DOCK10: variants seen among roughly 807,000 people sequenced by gnomAD.
DOCK10 encodes the protein dedicator of cytokinesis protein 10.
DOCK10 carries 145 observed loss-of-function variants against 280.1 expected under a neutral mutation model. The ratio of observed to expected loss-of-function variants is 0.52; its 90% CI spans 0.45 to 0.59. DOCK10 has a LOEUF of 0.59. Among genes scored for constraint, DOCK10 ranks in the 20% least tolerant of loss-of-function variants. The pLI is 0.00. For missense variants in DOCK10, 2,368 were observed against 2,651.7 expected (o/e 0.89, Z 2.35); for synonymous variants, 915 against 942.2 (o/e 0.97, Z 0.53).
chr2:225,040,279 C>T lies in DOCK10; in HGVS notation c.123+1973G>A, dbSNP rs144419447. On this transcript the variant is annotated intron_variant, in intron 1 of 55. Coordinates refer to ENST00000258390, the MANE Select transcript of DOCK10 (RefSeq NM_014689.3). ...AGTATGCAAAGCACATGCGTTCTTGCTGCCAAAATAGCAGCCAAAACTGCC... is the reference window on the plus strand; with the variant it reads ...AGTATGCAAAGCACATGCGTTCTTGTTGCCAAAATAGCAGCCAAAACTGCC... Among the ~76,000 whole-genome samples the T allele has an allele frequency of 1.4e-4, 22 of 152,252 alleles. No individual in the cohort carries two copies. The East Asian group carries it at 3.9e-3, about 27-fold the overall frequency.
intron 55 of DOCK10, among the ~76,000 whole-genome samples, chr2:224,766,311 G>A (rs907948154): frequency 2.6e-5 from 4 of 152,118 alleles, no homozygotes; most frequent in Admixed American, 1.3e-4. Context: ...AAACAATGAC[G>A]TGTAAGCATA....
At chr2:224,814,832 C>T (rs1694019709) in intron 30 of DOCK10, among the ~76,000 whole-genome samples, 1 of 152,046 alleles carries the variant, frequency 6.6e-6, no homozygotes, top group African/African-American at 2.4e-5. Flanking sequence ...TATTTGTTTT[C>T]TTAAAAAAGA....
At chr2:224,852,160 T>TC (rs1696788591) in intron 18 of DOCK10, among the ~76,000 whole-genome samples, 1 of 152,218 alleles carries the variant, frequency 6.6e-6, no homozygotes. Flanking sequence ...TTTCCTTTTT[T>TC]CCCAAGTCGT....
intron 1 of DOCK10, among the ~76,000 whole-genome samples, chr2:224,997,457 CTTG>C (rs971726994): frequency 2.0e-5 from 3 of 152,158 alleles, no homozygotes; most frequent in Non-Finnish European, 4.4e-5. Flanking sequence ...GTCTCGAACT[CTTG>C]ACCACAGGTG....
intron 2 of DOCK10, among the ~76,000 whole-genome samples, chr2:224,920,207 T>C (rs971865215): frequency 1.3e-5 from 2 of 150,366 alleles, no homozygotes; most frequent in African/African-American, 2.5e-5. Context: ...AGACTACAGG[T>C]GCGCACCACT....
chr2:224,953,111 A>G (rs1703857050), intron 1 of DOCK10, among the ~76,000 whole-genome samples: 3 of 152,346 alleles, frequency 2.0e-5, no homozygotes, highest in South Asian at 4.1e-4. Flanking sequence ...CATGTACATG[A>G]TGACAGGATT....
chr2:224,848,449 C>T lies in DOCK10; in HGVS notation c.2235+1058G>A, dbSNP rs1696509550. ...ATGTATATAGTAATTGACCATGAGCCCAATGACTTTCTATGTGTTAGAGCA... is the reference window on the plus strand; with the variant it reads ...ATGTATATAGTAATTGACCATGAGCTCAATGACTTTCTATGTGTTAGAGCA... On this transcript the variant is annotated intron_variant, in intron 19 of 55. Coordinates refer to ENST00000258390, the MANE Select transcript of DOCK10 (RefSeq NM_014689.3). Among the ~76,000 whole-genome samples the T allele has an allele frequency of 2.0e-5, 3 of 152,120 alleles. No individual in the cohort carries two copies. The South Asian group carries it at 6.2e-4, about 32-fold the overall frequency.
intron 38 of DOCK10, 120 bp from the exon 39 acceptor site, chr2:224,804,333 C>A (rs573542851): frequency 3.4e-5 from 20 of 583,216 alleles, no homozygotes; most frequent in Non-Finnish European, 5.0e-5. Context: ...GTGAATTAAT[C>A]AAAAATAAAA....
chr2:224,780,323 T>A (rs957640626), intron 50 of DOCK10, among the ~76,000 whole-genome samples: 2 of 152,262 alleles, frequency 1.3e-5, no homozygotes, highest in Non-Finnish European at 2.9e-5. Context: ...TGGAGTTTTG[T>A]CTGATTCAAG....
chr2:225,008,222 T>C (rs58921522), intron 1 of DOCK10, among the ~76,000 whole-genome samples: 5,314 of 152,246 alleles, frequency 0.035, 195 homozygotes, highest in African/African-American at 0.095. Context: ...TGGACTCAAA[T>C]TCCTGGGCTC....
intron 11 of DOCK10, among the ~76,000 whole-genome samples, chr2:224,867,075 T>TACACACACACACACAC (rs61496329): frequency 5.5e-5 from 8 of 144,236 alleles, no homozygotes; most frequent in African/African-American, 1.8e-4. Context: ...AGCTAAGAAA[T>TACACACACACACACAC]ACACACACAC....
intron 1 of DOCK10, among the ~76,000 whole-genome samples, chr2:225,031,964 T>C (rs1690090550): frequency 6.6e-6 from 1 of 152,194 alleles, no homozygotes; most frequent in African/African-American, 2.4e-5. Context: ...TTCCCTTCAT[T>C]GCATTCTTAA....
Position 224,849,610 on chromosome 2 carries a change from AG to A in DOCK10, c.2143-12del, listed in dbSNP as rs1232432306. ...TTTTCCATAAATACACTGTTTGAAAAGTTATGAGTTGAACAATTATGAGTGT... is the reference window on the plus strand; with the variant it reads ...TTTTCCATAAATACACTGTTTGAAAATTATGAGTTGAACAATTATGAGTGT... On this transcript the variant is annotated splice_polypyrimidine_tract_variant and intron_variant, in intron 18 of 55. Coordinates refer to ENST00000258390, the MANE Select transcript of DOCK10 (RefSeq NM_014689.3). 1 of 1,567,532 alleles carries A rather than the reference AG, an allele frequency of 6.4e-7. No individual in the cohort carries two copies. The highest frequency in any genetic ancestry group is 1.2e-5 in the South Asian group (1 of 86,702).
chr2:224,876,274 G>T, intron 7 of DOCK10, 53 bp from the exon 8 acceptor site: 2 of 1,432,734 alleles, frequency 1.4e-6, no homozygotes, highest in South Asian at 1.4e-5. Flanking sequence ...ATAAGCCTTC[G>T]AGAGAGAGAT....
intron 3 of DOCK10, among the ~76,000 whole-genome samples, chr2:224,904,966 A>G (rs1422671112): frequency 6.6e-6 from 1 of 152,206 alleles, no homozygotes. Context: ...TTTAAATTAT[A>G]GCCAACTCCC....
At chr2:224,981,241 T>C (rs1194993504) in intron 1 of DOCK10, among the ~76,000 whole-genome samples, 3 of 152,148 alleles carry the variant, frequency 2.0e-5, no homozygotes, top group South Asian at 2.1e-4. Flanking sequence ...TTTTTGAAAA[T>C]AAAATATTGA....
chr2:224,806,683 C>T (rs183227010), intron 33 of DOCK10, among the ~76,000 whole-genome samples: 9 of 152,246 alleles, frequency 5.9e-5, no homozygotes, highest in Admixed American at 3.3e-4. Flanking sequence ...TAGTTCACTG[C>T]AGCCTCAACC....
At chr2:225,012,590 A>T (rs1378063603) in intron 1 of DOCK10, among the ~76,000 whole-genome samples, 1 of 152,226 alleles carries the variant, frequency 6.6e-6, no homozygotes, top group Non-Finnish European at 1.5e-5. Flanking sequence ...TGGCTTCTCC[A>T]TCAGATAGTC....
intron 4 of DOCK10, among the ~76,000 whole-genome samples, chr2:224,888,832 ATATG>A (rs1158754082): frequency 7.0e-4 from 104 of 148,106 alleles, no homozygotes; most frequent in African/African-American, 2.5e-3. Context: ...ATGTGTGTGA[ATATG>A]TATGTGTGAA....
Sources: allele counts gnomAD v4.1 joint callset (sites outside exome capture counted in the v4.1 genomes callset), GRCh38; gene constraint gnomAD v4.1.1; transcripts MANE v1.5; gene names NCBI Gene and HGNC (gene_info 2026-07-23, HGNC 2026-07-21).